ACAD8: variants seen among roughly 807,000 people sequenced by gnomAD.
ACAD8 encodes the protein isobutyryl-CoA dehydrogenase, mitochondrial.
A neutral mutation model predicts 53.1 loss-of-function variants in ACAD8; 47 were observed. The observed-to-expected ratio is 0.89, with a 90% confidence interval of 0.70 to 1.13. The LOEUF is 1.13. ACAD8 is among the 50% of genes most tolerant of loss of function. ACAD8 has a pLI of 0.00. For missense variants in ACAD8, 494 were observed against 535.0 expected (o/e 0.92, Z 0.76); for synonymous variants, 198 against 201.3 (o/e 0.98, Z 0.14).
intron 1 of ACAD8, among the ~76,000 whole-genome samples, chr11:134,255,543 G>A (rs1939479137): frequency 6.6e-6 from 1 of 152,210 alleles, no homozygotes; most frequent in African/African-American, 2.4e-5. Context: ...AGCAACCCTT[G>A]TACAAAATTG....
In ACAD8 at chr11:134,253,649, C is replaced by T; in HGVS notation, c.49C>T (p.Pro17Ser). The T allele has an allele frequency of 6.3e-7, 1 of 1,594,522 alleles. No homozygotes were observed. The highest frequency in any genetic ancestry group is 1.1e-5 in the South Asian group (1 of 88,742). The change falls in exon 1 of 11, where the codon CCC becomes TCC. Residue 17 changes from proline (P) to serine (S), a missense_variant. By Grantham distance (74) the Pro-to-Ser change is moderately conservative. Transcript: ENST00000281182. Reference sequence around the variant, plus strand: ...TTTCGGGGCGCGCCTCGGCTGCCTGCCCGGCGGTCTCCGGGTCCTCGTCCA... The same window carrying T: ...TTTCGGGGCGCGCCTCGGCTGCCTGTCCGGCGGTCTCCGGGTCCTCGTCCA... ...RRFGARLGCL[P>S]GGLRVLVQTG...
Position 134,256,778 on chromosome 11 carries a change from CG to C in ACAD8, c.210+132del, listed in dbSNP as rs1939554444. The C allele has an allele frequency of 4.8e-6, 4 of 834,234 alleles. No homozygotes were observed. In the East Asian group the frequency reaches 1.1e-4, roughly 22 times the overall value. The allele number at this position is 834,234 out of a possible 1,614,324, so 51.7% of individuals were successfully genotyped here. On this transcript the variant is annotated intron_variant, in intron 2 of 10. Coordinates refer to ENST00000281182, the MANE Select transcript of ACAD8 (RefSeq NM_014384.3). ...CAACTCTTACTGCAAGTGAGAATACCGGTAGTGGATGATTTTTCCTAGAAGG... is the reference window on the plus strand; with the variant it reads ...CAACTCTTACTGCAAGTGAGAATACCGTAGTGGATGATTTTTCCTAGAAGG...
chr11:134,260,090 G>A (rs1014946449), intron 6 of ACAD8: 1 of 1,196,032 alleles, frequency 8.4e-7, no homozygotes. Context: ...CCTGGTGTTG[G>A]CCACAAGTCT....
chr11:134,259,789 T>C, intron 6 of ACAD8, 44 bp downstream of exon 6: 3 of 1,613,862 alleles, frequency 1.9e-6, no homozygotes, highest in South Asian at 2.2e-5. Context: ...TATGAGACTC[T>C]GCCACCTGCC....
intron 4 of ACAD8, 62 bp downstream of exon 4, chr11:134,258,686 T>TCTTCCTGCTC: frequency 2.5e-6 from 3 of 1,215,112 alleles, no homozygotes; most frequent in Non-Finnish European, 2.4e-6. Flanking sequence ...CAGATGGCAT[T>TCTTCCTGCTC]ACCGAGCACT....
At chr11:134,258,272 T>C in intron 3 of ACAD8, 2 of 564,288 alleles carry the variant, frequency 3.5e-6, no homozygotes, top group Middle Eastern at 3.4e-4. Context: ...TAACTAGAAG[T>C]AGTACAAACG....
intron 1 of ACAD8, among the ~76,000 whole-genome samples, chr11:134,254,498 T>A (rs1591501643): frequency 6.6e-6 from 1 of 152,242 alleles, no homozygotes; most frequent in South Asian, 2.1e-4. Flanking sequence ...GAAATATTTT[T>A]AAATTTATTT....
chr11:134,255,190 ACAGTGGTG>A (rs1430728838), intron 1 of ACAD8, among the ~76,000 whole-genome samples: 2 of 152,130 alleles, frequency 1.3e-5, no homozygotes, highest in African/African-American at 4.8e-5. Flanking sequence ...AGGCTGGAGT[ACAGTGGTG>A]CGATCTCAAC....
At chr11:134,254,334 A>G (rs2136070481) in intron 1 of ACAD8, among the ~76,000 whole-genome samples, 1 of 152,334 alleles carries the variant, frequency 6.6e-6, no homozygotes, top group South Asian at 2.1e-4. Context: ...TGCAGGAAAA[A>G]TAATTATTAT....
chr11:134,256,806 A>G (rs1390456153), intron 2 of ACAD8, 158 bp downstream of exon 2: 1 of 715,930 alleles, frequency 1.4e-6, no homozygotes, highest in African/African-American at 1.8e-5. Flanking sequence ...CCTAGAAGGC[A>G]TCCTGATCAT....
chr11:134,258,453 A>ATT, intron 3 of ACAD8, 62 bp from the exon 4 acceptor site: 4 of 1,139,666 alleles, frequency 3.5e-6, no homozygotes, highest in African/African-American at 1.6e-5. Context: ...CTTCTCCCCC[A>ATT]TTTTTTTTTC....
At position 134,253,615 on chromosome 11, in the gene ACAD8, C is replaced by G. The variant is rs1420243362; in HGVS notation, c.15C>G (p.Gly5=). 6.3e-7 allele frequency: 1 copy of G among 1,581,838 alleles called. No individual in the cohort carries two copies. Among genetic ancestry groups the G allele is most frequent in the South Asian group, 1.1e-5 (1 of 87,526 alleles). ...CTGCGGCGGCTATGCTGTGGAGCGG[C>G]TGCCGGCGTTTCGGGGCGCGCCTCG... MLWS[G]CRRFGARLGC... Residue 5 remains glycine, a synonymous_variant, in exon 1 of 11, where the codon GGC becomes GGG. Transcript: ENST00000281182.
rs140510777 is a variant in ACAD8 at position 134,255,271 on chromosome 11, G to A, written c.110-1277G>A. ...TGTGCCTCAGCCTCCCAAGTAGCTG[G>A]GATTACAGCACATGCCACCATGCCC... is the stretch of plus-strand genomic sequence containing the variant. On this transcript the variant is annotated intron_variant, in intron 1 of 10. Coordinates refer to ENST00000281182, the MANE Select transcript of ACAD8 (RefSeq NM_014384.3). Among the ~76,000 whole-genome samples, 1,155 of 152,226 alleles carry A rather than the reference G, an allele frequency of 7.6e-3. 7 individuals are homozygous for A. The highest frequency in any genetic ancestry group is 0.011 in the Admixed American group (171 of 15,302).
intron 6 of ACAD8, 81 bp from the exon 7 acceptor site, chr11:134,260,963 C>T (rs1591513461): frequency 6.5e-7 from 1 of 1,543,040 alleles, no homozygotes. Context: ...GAAACCCATA[C>T]CTCACAGGCT....
At chr11:134,253,786 C>A (rs1212689915) in intron 1 of ACAD8, 77 bp downstream of exon 1, 1 of 1,401,506 alleles carries the variant, frequency 7.1e-7, no homozygotes, top group Non-Finnish European at 9.8e-7. Flanking sequence ...GCTGCAGTCT[C>A]CCCGTTCCAT....
chr11:134,261,072 C>T lies in ACAD8; in HGVS notation c.734C>T (p.Ala245Val), dbSNP rs780609527. ...KVGWNSQPTR[A>V]VIFEDCAVPV... ...GGGTGGAACTCCCAGCCAACACGAG[C>T]TGTGATCTTCGAAGACTGTGCTGTC... The change falls in exon 7 of 11, where the codon GCT becomes GTT. Residue 245 changes from alanine (A) to valine (V), a missense_variant. Physicochemically the swap from Ala to Val is moderately conservative, Grantham distance 64 (BLOSUM62 0). Coordinates refer to ENST00000281182, the MANE Select transcript of ACAD8 (RefSeq NM_014384.3). The surrounding 1 kb of genome is among the most constrained non-coding windows in gnomAD (Gnocchi z 4.2). 29 of 1,612,464 alleles carry T rather than the reference C, an allele frequency of 1.8e-5. No homozygotes were observed. The Admixed American group carries it at 4.9e-4, about 27-fold the overall frequency.
Position 134,261,965 on chromosome 11 carries a change from T to C in ACAD8, c.1092+75T>C, listed in dbSNP as rs751467700. On this transcript the variant is annotated intron_variant, in intron 9 of 10. Coordinates refer to ENST00000281182, the MANE Select transcript of ACAD8 (RefSeq NM_014384.3). The surrounding 1 kb of genome is among the most constrained non-coding windows in gnomAD (Gnocchi z 4.2). ...GCCCAGGGGTCTTGAGAGACATGAG[T>C]CAGATTTGGAACCCAGCCCTCCTGG... The C allele has an allele frequency of 8.9e-6, 14 of 1,569,226 alleles. No individual in the cohort carries two copies. The highest frequency in any genetic ancestry group is 1.2e-5 in the Non-Finnish European group (14 of 1,151,616).
At chr11:134,263,897 G>A (rs376299992) in intron 10 of ACAD8, 15 of 985,370 alleles carry the variant, frequency 1.5e-5, no homozygotes, top group South Asian at 1.4e-4. Context: ...CTGATTCCTC[G>A]AGGGGGTTTA....
rs145165576 is a variant in ACAD8, at chr11:134,262,802, C to T, written c.1195+180C>T. On this transcript the variant is annotated intron_variant, in intron 10 of 10. Coordinates refer to ENST00000281182, the MANE Select transcript of ACAD8 (RefSeq NM_014384.3). ...CTGGCAGGGGCCTGGAGTCCAGAGC[C>T]GCAGCTTCGTCCCTTTCGGGGGGCC... The T allele has an allele frequency of 1.8e-4, 271 of 1,486,936 alleles. 2 individuals are homozygous for T. In the African/African-American group the frequency reaches 2.6e-3, roughly 14 times the overall value. The allele number at this position is 1,486,936 out of a possible 1,614,324, so 92.1% of individuals were successfully genotyped here.
Sources: gnomAD v4.1 joint callset for allele counts (sites outside exome capture counted in the v4.1 genomes callset) on GRCh38, gnomAD v4.1.1 for gene constraint, Gnocchi (gnomAD v3.1) non-coding constraint, MANE v1.5 for transcripts, NCBI Gene and HGNC (gene_info 2026-07-23, HGNC 2026-07-21) for gene names.